The following PPARD variants were observed in gnomAD, a reference collection of about 807,000 sequenced individuals.
PPARD encodes the protein peroxisome proliferator-activated receptor delta.
Under a neutral mutation model 39.5 loss-of-function variants are expected in PPARD, and 6 were observed. That is an observed-to-expected ratio of 0.15 (90% CI 0.08 to 0.30). PPARD has a LOEUF of 0.30. Among genes scored for constraint, PPARD ranks in the 10% least tolerant of loss-of-function variants. The pLI is 1.00. For synonymous variants in PPARD, 210 were observed against 231.3 expected (o/e 0.91, Z 0.83); for missense variants, 397 against 596.8 (o/e 0.67, Z 3.49).
intron 2 of PPARD, among the ~76,000 whole-genome samples, chr6:35,364,468 C>G (rs537406774): frequency 8.6e-4 from 117 of 135,550 alleles, no homozygotes; most frequent in Non-Finnish European, 4.6e-5. Flanking sequence ...GCATCTTGCT[C>G]TGTTGCCCAG....
chr6:35,360,474 G>T (rs1381155184), intron 2 of PPARD, among the ~76,000 whole-genome samples: 2 of 152,230 alleles, frequency 1.3e-5, no homozygotes, highest in Non-Finnish European at 2.9e-5. Context: ...CAGACAAGGT[G>T]TAGGATCAGA....
chr6:35,414,873 T>C (rs1241428262), intron 3 of PPARD, among the ~76,000 whole-genome samples: 1 of 152,136 alleles, frequency 6.6e-6, no homozygotes, highest in African/African-American at 2.4e-5. Flanking sequence ...AGTGCAGATA[T>C]TGAGCTCAAC....
intron 2 of PPARD, among the ~76,000 whole-genome samples, chr6:35,407,127 A>G (rs1765104028): frequency 6.6e-6 from 1 of 152,168 alleles, no homozygotes; most frequent in Non-Finnish European, 1.5e-5. Context: ...CAGGGTCACC[A>G]GAGGCTCAGA....
chr6:35,369,716 A>G (rs1310116025), intron 2 of PPARD, among the ~76,000 whole-genome samples: 3 of 152,206 alleles, frequency 2.0e-5, no homozygotes, highest in Non-Finnish European at 2.9e-5. Flanking sequence ...AGAATATCTA[A>G]TCTTATTTAA....
At chr6:35,360,146 C>T (rs1205027972) in intron 2 of PPARD, among the ~76,000 whole-genome samples, 14 of 152,146 alleles carry the variant, frequency 9.2e-5, no homozygotes, top group Non-Finnish European at 2.9e-5. Context: ...GTCGTGCATA[C>T]TGGCTCCCTG....
At chr6:35,390,788 C>T (rs970218308) in intron 2 of PPARD, among the ~76,000 whole-genome samples, 19 of 152,128 alleles carry the variant, frequency 1.2e-4, no homozygotes, top group African/African-American at 4.1e-4. Flanking sequence ...TTTGAGAGGC[C>T]AAGGCAGGAG....
Position 35,424,896 on chromosome 6 carries a change from C to T in PPARD, c.1078+117C>T. 2 of 1,473,664 alleles carry T rather than the reference C, an allele frequency of 1.4e-6. No individual in the cohort carries two copies. The highest frequency in any genetic ancestry group is 1.8e-6 in the Non-Finnish European group (2 of 1,115,350). 91.3% of individuals were successfully genotyped at this position (1,473,664 alleles called of 1,614,324 possible). Reference sequence around the variant, plus strand: ...CAGTGTGGGGAAGTGTCCCTGTGATCTTGGCAGTGGAACATGCAAGGCACT... The same window carrying T: ...CAGTGTGGGGAAGTGTCCCTGTGATTTTGGCAGTGGAACATGCAAGGCACT... On this transcript the variant is annotated intron_variant, in intron 7 of 7. Transcript: ENST00000360694. This position sits in a 1 kb window ranked among gnomAD's most constrained non-coding sequence, Gnocchi z 7.1.
rs373832561 is a variant in PPARD, at chr6:35,356,841, C to T, written c.-102+9691C>T. 3.9e-4 allele frequency among the ~76,000 whole-genome samples: 60 copies of T among 152,316 alleles called. 1 individual carries two copies. Among genetic ancestry groups the T allele is most frequent in the African/African-American group, 1.4e-3 (58 of 41,576 alleles). On this transcript the variant is annotated intron_variant, in intron 2 of 7. Transcript: ENST00000360694. ...CACTGGCGAACCTCACATCAATAAACCTGGTAATAGAAGCATATTGTTCTT... is the reference window on the plus strand; with the variant it reads ...CACTGGCGAACCTCACATCAATAAATCTGGTAATAGAAGCATATTGTTCTT...
At chr6:35,400,263 C>T (rs967168110) in intron 2 of PPARD, among the ~76,000 whole-genome samples, 2 of 152,192 alleles carry the variant, frequency 1.3e-5, no homozygotes, top group Admixed American at 6.5e-5. Flanking sequence ...CTGCCCTTCT[C>T]CTTACCACCA....
intron 4 of PPARD, 110 bp downstream of exon 4, chr6:35,420,391 G>A: frequency 1.4e-6 from 2 of 1,389,782 alleles, no homozygotes; most frequent in Non-Finnish European, 1.9e-6. Flanking sequence ...TGTACCTATT[G>A]CAGAATTCCT....
At chr6:35,365,731 T>C (rs1762180610) in intron 2 of PPARD, among the ~76,000 whole-genome samples, 1 of 151,656 alleles carries the variant, frequency 6.6e-6, no homozygotes, top group African/African-American at 2.4e-5. Context: ...TCTCAAATGA[T>C]TTGCTCATCT....
At chr6:35,416,401 A>AC (rs1765772321) in intron 3 of PPARD, among the ~76,000 whole-genome samples, 1 of 150,278 alleles carries the variant, frequency 6.7e-6, no homozygotes, top group Non-Finnish European at 1.5e-5. Flanking sequence ...AAAAAAAAAA[A>AC]AAAAAAAAAC....
chr6:35,396,394 CAG>C (rs942472799), intron 2 of PPARD, among the ~76,000 whole-genome samples: 33 of 151,276 alleles, frequency 2.2e-4, no homozygotes, highest in African/African-American at 7.5e-4. Flanking sequence ...TTAGTAGAGA[CAG>C]GGTGTCACCG....
At chr6:35,399,936 A>G (rs1456147387) in intron 2 of PPARD, among the ~76,000 whole-genome samples, 1 of 151,962 alleles carries the variant, frequency 6.6e-6, no homozygotes, top group Non-Finnish European at 1.5e-5. Context: ...GCCATTTCTG[A>G]TTTTTTGTTA....
chr6:35,424,790 G>A lies in PPARD; in HGVS notation c.1078+11G>A, dbSNP rs1222994372. The A allele has an allele frequency of 3.7e-6, 6 of 1,609,712 alleles. No homozygotes were observed. The highest frequency in any genetic ancestry group is 5.1e-6 in the Non-Finnish European group (6 of 1,176,998). ...TCATTCTGTGTGGAGGTGAGTGAGA[G>A]TGGGGCAGGTGGGCTGGCCTGGCAC... is the stretch of plus-strand genomic sequence containing the variant. On this transcript the variant is annotated intron_variant, in intron 7 of 7. Transcript: ENST00000360694. The surrounding 1 kb of genome is among the most constrained non-coding windows in gnomAD (Gnocchi z 7.1).
chr6:35,393,173 C>T (rs1192511012), intron 2 of PPARD, among the ~76,000 whole-genome samples: 1 of 152,150 alleles, frequency 6.6e-6, no homozygotes, highest in African/African-American at 2.4e-5. Context: ...TTCTTATTCC[C>T]CTGGCTCATG....
At chr6:35,390,988 G>A (rs1763970900) in intron 2 of PPARD, among the ~76,000 whole-genome samples, 1 of 152,100 alleles carries the variant, frequency 6.6e-6, no homozygotes, top group African/African-American at 2.4e-5. Flanking sequence ...CACCACTCCG[G>A]GTGGTGACAG....
rs568779594 is a variant in PPARD at position 35,427,812 on chromosome 6, T to C, written c.*1733T>C. On this transcript the variant is annotated 3_prime_UTR_variant, in exon 8 of 8. Coordinates refer to ENST00000360694, the MANE Select transcript of PPARD (RefSeq NM_006238.5). ...CAAGGAGCCATTCTGTGTGTGACTCTGGGTGGAAGTGCCCAGCCCCTGCCC... is the reference window on the plus strand; with the variant it reads ...CAAGGAGCCATTCTGTGTGTGACTCCGGGTGGAAGTGCCCAGCCCCTGCCC... 1 of 152,810 alleles carries C rather than the reference T, an allele frequency of 6.5e-6. No individual in the cohort carries two copies. Among genetic ancestry groups the C allele is most frequent in the Admixed American group, 6.5e-5 (1 of 15,302 alleles). 9.5% of individuals were successfully genotyped at this position (152,810 alleles called of 1,614,324 possible). A position where few individuals can be genotyped will look rare whatever the true frequency, so the allele number is the denominator to read the frequency against.
At chr6:35,380,145 G>GGATGGATT (rs1218774974) in intron 2 of PPARD, among the ~76,000 whole-genome samples, 1 of 152,196 alleles carries the variant, frequency 6.6e-6, no homozygotes, top group South Asian at 2.1e-4. Context: ...AAGCATTTAT[G>GGATGGATT]GATGGATTGA....
Sources: allele counts gnomAD v4.1 joint callset (sites outside exome capture counted in the v4.1 genomes callset), GRCh38; gene constraint gnomAD v4.1.1; non-coding constraint Gnocchi (gnomAD v3.1); transcripts MANE v1.5; gene names NCBI Gene and HGNC (gene_info 2026-07-23, HGNC 2026-07-21).